Variants in FAM185A observed in about 807,000 individuals in gnomAD.
FAM185A encodes family with sequence similarity 185 member A.
In FAM185A, 21 loss-of-function variants were observed where a neutral mutation model predicts 45.7. The observed-to-expected ratio is 0.46, with a 90% CI of 0.33 to 0.66. The LOEUF is 0.66. Ranked by LOEUF, FAM185A falls within the 30% of genes least tolerant of loss-of-function variation. The pLI is 0.03. For missense variants in FAM185A, 305 were observed against 485.4 expected, an observed-to-expected ratio of 0.63 and a Z score of 3.49; for synonymous variants, 117 against 194.0, an observed-to-expected ratio of 0.60 and a Z score of 3.30.
chr7:102,802,447 G>A (rs1182562098), intron 7 of FAM185A, among the ~76,000 whole-genome samples: 5 of 152,170 alleles, frequency 3.3e-5, no homozygotes, highest in Non-Finnish European at 7.3e-5. Flanking sequence ...TGATCACTGG[G>A]TCAAAAACAA....
chr7:102,832,649 T>C, the FAM185A span, among the ~76,000 whole-genome samples: 1 of 152,250 alleles, frequency 6.6e-6, no homozygotes, highest in African/African-American at 2.4e-5. Context: ...TTTTTAACTT[T>C]TGGAAAATTC....
At chr7:102,843,459 A>G in the FAM185A span, among the ~76,000 whole-genome samples, 1 of 151,956 alleles carries the variant, frequency 6.6e-6, no homozygotes, top group Admixed American at 6.6e-5. Flanking sequence ...ACAAAAACAA[A>G]AAACAAAAAA....
chr7:102,780,793 G>GGGAGT (rs1433101837), intron 6 of FAM185A, among the ~76,000 whole-genome samples: 1 of 152,218 alleles, frequency 6.6e-6, no homozygotes, highest in Non-Finnish European at 1.5e-5. Flanking sequence ...CATCTCACTG[G>GGGAGT]GGAGTGTCAG....
the FAM185A span, among the ~76,000 whole-genome samples, chr7:102,845,437 A>G: frequency 6.6e-6 from 1 of 152,192 alleles, no homozygotes; most frequent in Non-Finnish European, 1.5e-5. Context: ...TATATTTCCT[A>G]TAAATCACAT....
At chr7:102,806,810 G>A (rs1797141832) in intron 7 of FAM185A, among the ~76,000 whole-genome samples, 1 of 152,180 alleles carries the variant, frequency 6.6e-6, no homozygotes, top group South Asian at 2.1e-4. Context: ...CAGGCTGCAG[G>A]GCAGGGAGAG....
chr7:102,807,976 G>A (rs1797230510), intron 7 of FAM185A, among the ~76,000 whole-genome samples: 1 of 152,168 alleles, frequency 6.6e-6, no homozygotes, highest in Non-Finnish European at 1.5e-5. Context: ...CCGGAGAACC[G>A]CTTGAACCCA....
intron 7 of FAM185A, among the ~76,000 whole-genome samples, chr7:102,796,769 T>C (rs1188327237): frequency 1.3e-5 from 2 of 152,142 alleles, no homozygotes; most frequent in Non-Finnish European, 2.9e-5. Flanking sequence ...GATGACCGAA[T>C]TAGCAGAGAA....
At position 102,787,415 on chromosome 7, in the gene FAM185A, G is replaced by A; in HGVS notation, c.1012G>A (p.Val338Ile). The part of the protein sequence containing the change: ...SGKEVDVNSE[V>I]HVQEMAEVRK... ...GAAAGAGGTTGATGTGAACTCAGAA[G>A]TCCATGTTCAGGAAATGGCTGAAGT... The change falls in exon 7 of 8, where the codon GTC becomes ATC. Residue 338 changes from valine (V) to isoleucine (I), a missense_variant. Transcript: ENST00000413034. 3 of 1,536,174 alleles carry A rather than the reference G, an allele frequency of 2.0e-6. No individual in the cohort carries two copies. Among genetic ancestry groups the A allele is most frequent in the Non-Finnish European group, 1.8e-6 (2 of 1,135,756 alleles).
intron 7 of FAM185A, among the ~76,000 whole-genome samples, chr7:102,806,134 G>C: frequency 7.9e-6 from 1 of 127,288 alleles, no homozygotes; most frequent in East Asian, 2.6e-4. Flanking sequence ...ATTGTTTTAA[G>C]CTGTTATTTT....
chr7:102,813,181 A>G (rs890809630), downstream of FAM185A: 5 of 695,988 alleles, frequency 7.2e-6, no homozygotes, highest in Non-Finnish European at 1.2e-5. Context: ...CAGAAGAACT[A>G]CTGATGTGTT....
the FAM185A span, among the ~76,000 whole-genome samples, chr7:102,843,700 C>T: frequency 6.6e-6 from 1 of 152,142 alleles, no homozygotes; most frequent in Admixed American, 6.5e-5. Flanking sequence ...CGCTTGAACC[C>T]AGGCGGCGGA....
the FAM185A span, among the ~76,000 whole-genome samples, chr7:102,818,515 A>G: frequency 1.0e-3 from 157 of 152,350 alleles, no homozygotes; most frequent in African/African-American, 3.6e-3. Context: ...ACAGCTCCAC[A>G]TCAGAAAGGC....
intron 7 of FAM185A, among the ~76,000 whole-genome samples, chr7:102,789,185 T>A: frequency 6.6e-6 from 1 of 152,202 alleles, no homozygotes; most frequent in Non-Finnish European, 1.5e-5. Flanking sequence ...GGAGTGCAAT[T>A]ATAGCTCACT....
chr7:102,789,662 T>G, intron 7 of FAM185A, among the ~76,000 whole-genome samples: 1 of 152,392 alleles, frequency 6.6e-6, no homozygotes, highest in East Asian at 1.9e-4. Flanking sequence ...TGAGCCAAGA[T>G]CGCGCCACTG....
intron 2 of FAM185A, chr7:102,755,729 G>T: frequency 1.8e-6 from 1 of 559,756 alleles, no homozygotes; most frequent in Non-Finnish European, 3.2e-6. Context: ...TTCACAGGAA[G>T]ACCTACACCA....
chr7:102,808,323 G>T lies in FAM185A; in HGVS notation c.1100G>T (p.Trp367Leu). ...AATCAAGCAAGCAAACGTGAAAAATGGATTAAGGCTGATGCCCCAAAAGGC... is the reference window on the plus strand; with the variant it reads ...AATCAAGCAAGCAAACGTGAAAAATTGATTAAGGCTGATGCCCCAAAAGGC... ...LMNQASKREKWIKADAPKGTV... is the reference protein window; with the variant it reads ...LMNQASKREKLIKADAPKGTV... Residue 367 changes from tryptophan (W) to leucine (L), a missense_variant, in exon 8 of 8, where the codon TGG becomes TTG. Physicochemically the swap from Trp to Leu is moderately conservative, Grantham distance 61. Around this residue, in one of 5 missense-constraint regions of FAM185A, gnomAD observed 66 missense variants for 74.6 expected, o/e 0.89. Coordinates refer to ENST00000413034, the MANE Select transcript of FAM185A (RefSeq NM_001145268.2). 6.4e-7 allele frequency: 1 copy of T among 1,551,812 alleles called. No individual in the cohort carries two copies. The highest frequency in any genetic ancestry group is 1.2e-5 in the South Asian group (1 of 84,066).
At chr7:102,794,130 G>C (rs1184196841) in intron 7 of FAM185A, among the ~76,000 whole-genome samples, 1 of 151,556 alleles carries the variant, frequency 6.6e-6, no homozygotes, top group Non-Finnish European at 1.5e-5. Flanking sequence ...GTGAGCTATA[G>C]TTTGCTGATC....
At chr7:102,772,962 A>C (rs1411863351) in intron 5 of FAM185A, among the ~76,000 whole-genome samples, 1 of 152,114 alleles carries the variant, frequency 6.6e-6, no homozygotes, top group Non-Finnish European at 1.5e-5. Context: ...CCCTGGGAAG[A>C]AAGACAACAA....
chr7:102,848,200 T>G, the FAM185A span, among the ~76,000 whole-genome samples: 2 of 152,110 alleles, frequency 1.3e-5, no homozygotes, highest in African/African-American at 4.8e-5. Context: ...CTGCTAACAC[T>G]GAAATAATTA....
Sources: gnomAD v4.1 joint callset for allele counts (sites outside exome capture counted in the v4.1 genomes callset) on GRCh38, gnomAD v4.1.1 for gene constraint, gnomAD v4.1.1 regional missense constraint, MANE v1.5 for transcripts, NCBI Gene and HGNC (gene_info 2026-07-23, HGNC 2026-07-21) for gene names.